Variants in ZNF395 observed in about 807,000 individuals in gnomAD.
The protein encoded by ZNF395 is HD gene regulatory region-binding protein 2.
ZNF395 carries 20 observed loss-of-function variants against 57.7 expected under a neutral mutation model. The ratio of observed to expected loss-of-function variants is 0.35; its 90% CI spans 0.24 to 0.50. ZNF395 has a LOEUF of 0.50. ZNF395 is among the 20% of genes least tolerant of loss of function. The pLI, the probability that ZNF395 is intolerant of heterozygous loss-of-function variation, is 0.97. For synonymous variants in ZNF395, 295 were observed against 275.9 expected, an observed-to-expected ratio of 1.07 and a Z score of -0.69; for missense variants, 606 against 671.2, an observed-to-expected ratio of 0.90 and a Z score of 1.07.
In ZNF395 at chr8:28,351,691, G is replaced by A. The variant is rs1801686203; in HGVS notation, c.1037C>T (p.Pro346Leu). 2 of 1,611,728 alleles carry A rather than the reference G, an allele frequency of 1.2e-6. No homozygotes were observed. Among genetic ancestry groups the A allele is most frequent in the Non-Finnish European group, 1.7e-6 (2 of 1,179,946 alleles). The change falls in exon 7 of 10, where the codon CCT (proline) becomes CTT (leucine). Residue 346 changes from proline to leucine, a missense_variant. Around this residue, in one of 3 missense-constraint regions of ZNF395, gnomAD observed 261 missense variants for 240.3 expected, o/e 1.09. Transcript: ENST00000344423. ...AAAAAAGTPV[P>L]GTPTSEPAPT... ...AGCTGGCTCGGAGGTGGGAGTCCCAGGGACTGGGGTGCCTGCGGCAGCAGC... is the reference window on the plus strand; with the variant it reads ...AGCTGGCTCGGAGGTGGGAGTCCCAAGGACTGGGGTGCCTGCGGCAGCAGC...
At chr8:28,369,600 G>A (rs1235854543) in intron 1 of ZNF395, among the ~76,000 whole-genome samples, 3 of 152,166 alleles carry the variant, frequency 2.0e-5, no homozygotes, top group East Asian at 3.9e-4. Context: ...TGCCTGCCCC[G>A]CTCACTTTCG....
At position 28,348,071 on chromosome 8, in the gene ZNF395, A is replaced by G. The variant is rs1017191662; in HGVS notation, c.*648T>C. 6.6e-6 allele frequency: 1 copy of G among 152,132 alleles called. No homozygotes were observed. The highest frequency in any genetic ancestry group is 1.5e-5 in the Non-Finnish European group (1 of 68,016). The allele number at this position is 152,132 out of a possible 1,614,324, so 9.4% of individuals were successfully genotyped here. On this transcript the variant is annotated 3_prime_UTR_variant, in exon 10 of 10. Coordinates refer to ENST00000344423, the MANE Select transcript of ZNF395 (RefSeq NM_018660.3). ...CTGGGCTTTAAGAAGAAGCCATTTA[A>G]TATTTGTTGGGGTGCAACCCAATGT...
At position 28,359,085 on chromosome 8, in the gene ZNF395, T is replaced by G. The variant is rs1208597388; in HGVS notation, c.473+507A>C. Among the ~76,000 whole-genome samples the G allele has an allele frequency of 6.6e-6, 1 of 152,104 alleles. No individual in the cohort carries two copies. The highest frequency in any genetic ancestry group is 2.1e-4 in the South Asian group (1 of 4,830). Reference sequence around the variant, plus strand: ...CCAACCAAAGGTACATTGCCCATAATAGAGCTATGGAAAAGAAAAGACGCC... The same window carrying G: ...CCAACCAAAGGTACATTGCCCATAAGAGAGCTATGGAAAAGAAAAGACGCC... On this transcript the variant is annotated intron_variant, in intron 3 of 9. Transcript: ENST00000344423. The surrounding 1 kb of genome is among the most constrained non-coding windows in gnomAD (Gnocchi z 4.7).
chr8:28,385,118 G>A (rs1802156152), intron 1 of ZNF395: 1 of 152,276 alleles, frequency 6.6e-6, no homozygotes, highest in Admixed American at 6.5e-5. Flanking sequence ...TCTAGAAAGG[G>A]GGTTCTAAGA....
chr8:28,360,796 G>A, intron 2 of ZNF395, 89 bp downstream of exon 2: 1 of 1,536,934 alleles, frequency 6.5e-7, no homozygotes, highest in African/African-American at 1.4e-5. Flanking sequence ...ACGGTGCCCA[G>A]AGAGTTTCCG....
chr8:28,364,653 CAAAA>C (rs1221074238), intron 1 of ZNF395, among the ~76,000 whole-genome samples: 1 of 44,120 alleles, frequency 2.3e-5, no homozygotes, highest in Non-Finnish European at 5.0e-5. Context: ...GACTCCGTCT[CAAAA>C]AAAAAAAAAA....
At chr8:28,364,868 G>C (rs1392495137) in intron 1 of ZNF395, among the ~76,000 whole-genome samples, 1 of 152,092 alleles carries the variant, frequency 6.6e-6, no homozygotes, top group Non-Finnish European at 1.5e-5. Flanking sequence ...TTGGATCTTG[G>C]CCTCTTACCT....
At chr8:28,380,881 T>C (rs1185219752) in intron 1 of ZNF395, among the ~76,000 whole-genome samples, 1 of 152,228 alleles carries the variant, frequency 6.6e-6, no homozygotes, top group Non-Finnish European at 1.5e-5. Context: ...AGGGTCTCAC[T>C]GTTGCCCAGG....
chr8:28,372,146 A>G (rs1801984554), intron 1 of ZNF395, among the ~76,000 whole-genome samples: 1 of 152,192 alleles, frequency 6.6e-6, no homozygotes, highest in Non-Finnish European at 1.5e-5. Context: ...GCAAAATGAG[A>G]AAAAGTATTG....
chr8:28,385,905 C>T (rs1401336174), intron 1 of ZNF395: 4 of 146,554 alleles, frequency 2.7e-5, no homozygotes, highest in African/African-American at 9.8e-5. Flanking sequence ...CCGGACCCCC[C>T]AGGCCGCCGG....
At chr8:28,349,976 C>T in intron 8 of ZNF395, 88 bp downstream of exon 8, 3 of 1,242,662 alleles carry the variant, frequency 2.4e-6, no homozygotes, top group East Asian at 5.4e-5. Flanking sequence ...GCCACGTGCC[C>T]CGTGCCCAAG....
Position 28,371,778 on chromosome 8 carries a change from G to C in ZNF395, c.-58-10596C>G, listed in dbSNP as rs139237144. The stretch of plus-strand genomic sequence containing the variant: ...AAGCTCAGACTTCCGGCTGGGCGCA[G>C]TGACTCACGCCTGTAATCCCAGCAC... On this transcript the variant is annotated intron_variant, in intron 1 of 9. Coordinates refer to ENST00000344423, the MANE Select transcript of ZNF395 (RefSeq NM_018660.3). Among the ~76,000 whole-genome samples the C allele has an allele frequency of 8.6e-3, 1,315 of 152,338 alleles. 25 individuals are homozygous for C. The highest frequency in any genetic ancestry group is 0.03 in the African/African-American group (1,235 of 41,562).
intron 1 of ZNF395, among the ~76,000 whole-genome samples, chr8:28,362,667 GCT>G (rs553099475): frequency 1.7e-4 from 26 of 152,182 alleles, no homozygotes; most frequent in African/African-American, 6.0e-4. Context: ...AGCCCCCCAG[GCT>G]CTCTTTCTGT....
intron 1 of ZNF395, among the ~76,000 whole-genome samples, chr8:28,375,906 G>A (rs74968424): frequency 0.026 from 3,980 of 152,274 alleles, 75 homozygotes; most frequent in Non-Finnish European, 0.04. Context: ...GACTGAATGC[G>A]GGTGTTTTTA....
chr8:28,363,947 C>G (rs1423060287), intron 1 of ZNF395, among the ~76,000 whole-genome samples: 1 of 152,172 alleles, frequency 6.6e-6, no homozygotes, highest in Non-Finnish European at 1.5e-5. Context: ...TCTCCTTTAA[C>G]TGGCCAGAAT....
At chr8:28,361,278 G>T in intron 1 of ZNF395, 96 bp from the exon 2 acceptor site, 1 of 1,009,386 alleles carries the variant, frequency 9.9e-7, no homozygotes, top group Non-Finnish European at 1.4e-6. Context: ...TCAACTTCTA[G>T]CATCCTTCCC....
intron 1 of ZNF395, among the ~76,000 whole-genome samples, chr8:28,384,274 T>C (rs1250174553): frequency 1.3e-5 from 2 of 152,204 alleles, no homozygotes; most frequent in Non-Finnish European, 2.9e-5. Context: ...ATCTCAACCA[T>C]TGTTCCTCTC....
At chr8:28,365,110 G>A (rs1470322330) in intron 1 of ZNF395, among the ~76,000 whole-genome samples, 2 of 152,184 alleles carry the variant, frequency 1.3e-5, no homozygotes, top group Non-Finnish European at 1.5e-5. Flanking sequence ...AATCCAGGCT[G>A]GGCAGCATCA....
chr8:28,380,619 C>T (rs771702207), intron 1 of ZNF395, among the ~76,000 whole-genome samples: 1 of 152,200 alleles, frequency 6.6e-6, no homozygotes, highest in Non-Finnish European at 1.5e-5. Context: ...CGTCTTACCA[C>T]TTATGATTTA....
Sources: gnomAD v4.1 joint callset for allele counts (sites outside exome capture counted in the v4.1 genomes callset) on GRCh38, gnomAD v4.1.1 for gene constraint, gnomAD v4.1.1 regional missense constraint, Gnocchi (gnomAD v3.1) non-coding constraint, MANE v1.5 for transcripts, NCBI Gene and HGNC (gene_info 2026-07-23, HGNC 2026-07-21) for gene names.